Variants in KIAA1549L observed in about 807,000 individuals in gnomAD.
The protein encoded by KIAA1549L is KIAA1549 like, also known as UPF0606 protein KIAA1549L.
Under a neutral mutation model 160.7 loss-of-function variants are expected in KIAA1549L, and 88 were observed. That is an observed-to-expected ratio of 0.55 (90% confidence interval 0.46 to 0.65). The LOEUF is 0.65. KIAA1549L is among the 30% of genes least tolerant of loss of function. The pLI is 0.00. For synonymous variants in KIAA1549L, 950 were observed against 976.7 expected, an observed-to-expected ratio of 0.97 and a Z score of 0.51; for missense variants, 2,258 against 2,437.5, an observed-to-expected ratio of 0.93 and a Z score of 1.55.
At chr11:33,615,451 T>G (rs1049981013) in intron 15 of KIAA1549L, among the ~76,000 whole-genome samples, 1 of 152,174 alleles carries the variant, frequency 6.6e-6, no homozygotes. Flanking sequence ...AAAAAGTATA[T>G]AGCAAAATAT....
intron 1 of KIAA1549L, among the ~76,000 whole-genome samples, chr11:33,498,171 T>G (rs1390620127): frequency 3.3e-5 from 5 of 152,182 alleles, no homozygotes; most frequent in African/African-American, 1.2e-4. Flanking sequence ...GGCATGCACC[T>G]GTGGTCCCAG....
chr11:33,535,246 C>G (rs987939801), intron 1 of KIAA1549L, among the ~76,000 whole-genome samples: 2 of 152,176 alleles, frequency 1.3e-5, no homozygotes, highest in Non-Finnish European at 2.9e-5. Context: ...ACAGTTCTCA[C>G]CAGCTGGGCT....
At chr11:33,380,105 G>A (rs914077004) in intron 1 of KIAA1549L, among the ~76,000 whole-genome samples, 4 of 152,182 alleles carry the variant, frequency 2.6e-5, no homozygotes, top group Non-Finnish European at 5.9e-5. Context: ...AGAGCACAGG[G>A]CGCTGTGGGG....
chr11:33,447,225 C>G (rs953469645), intron 1 of KIAA1549L, among the ~76,000 whole-genome samples: 1 of 152,014 alleles, frequency 6.6e-6, no homozygotes, highest in African/African-American at 2.4e-5. Flanking sequence ...CATAGCACAC[C>G]CTGAACGCTT....
intron 13 of KIAA1549L, among the ~76,000 whole-genome samples, chr11:33,600,418 G>A (rs1564918496): frequency 6.6e-6 from 1 of 152,126 alleles, no homozygotes; most frequent in African/African-American, 2.4e-5. Context: ...AGAGAGTGAG[G>A]TGACAGCAGA....
At chr11:33,647,764 T>C (rs916050735) in intron 17 of KIAA1549L, among the ~76,000 whole-genome samples, 4 of 140,312 alleles carry the variant, frequency 2.9e-5, no homozygotes, top group Non-Finnish European at 6.1e-5. Context: ...CCCATAGCCA[T>C]CGTATCTCAA....
intron 1 of KIAA1549L, among the ~76,000 whole-genome samples, chr11:33,435,775 TA>T (rs1851343548): frequency 1.5e-4 from 1 of 6,470 alleles, no homozygotes; most frequent in African/African-American, 7.5e-4. Context: ...TATATATATA[TA>T]TATATATATA....
intron 1 of KIAA1549L, among the ~76,000 whole-genome samples, chr11:33,435,476 G>C (rs939468438): frequency 6.6e-6 from 1 of 151,876 alleles, no homozygotes; most frequent in Non-Finnish European, 1.5e-5. Context: ...AATCACACAT[G>C]TATTATAGTA....
rs76572849 is a variant in KIAA1549L at position 33,459,241 on chromosome 11, A to C, written c.238+82352A>C. ...GTTTTAACCTTGTTGGATGGTTGTCACACTGTATTTATTTTGATCTGTACT... is the reference window on the plus strand; with the variant it reads ...GTTTTAACCTTGTTGGATGGTTGTCCCACTGTATTTATTTTGATCTGTACT... On this transcript the variant is annotated intron_variant, in intron 1 of 20. Transcript: ENST00000658780. 7.2e-3 allele frequency among the ~76,000 whole-genome samples: 1,098 copies of C among 152,274 alleles called. 12 individuals are homozygous for C. The highest frequency in any genetic ancestry group is 0.025 in the African/African-American group (1,045 of 41,550).
At chr11:33,407,228 G>A (rs867181033) in intron 1 of KIAA1549L, among the ~76,000 whole-genome samples, 1 of 151,198 alleles carries the variant, frequency 6.6e-6, no homozygotes, top group Non-Finnish European at 1.5e-5. Context: ...GGGACTACAG[G>A]CGCCTGCCAC....
chr11:33,545,385 G>T lies in KIAA1549L; in HGVS notation c.3385+7G>T. The T allele has an allele frequency of 6.2e-7, 1 of 1,600,740 alleles. No individual in the cohort carries two copies. The highest frequency in any genetic ancestry group is 1.1e-5 in the South Asian group (1 of 89,986). ...AAGCTCCTGGTGAAGACAGGTATGA[G>T]ACCACTGTTCTGATCTGAAAGCAGC... On this transcript the variant is annotated splice_region_variant and intron_variant, in intron 3 of 20. Coordinates refer to ENST00000658780, the MANE Select transcript of KIAA1549L (RefSeq NM_012194.3).
chr11:33,471,148 T>C (rs1852169886), intron 1 of KIAA1549L, among the ~76,000 whole-genome samples: 1 of 152,138 alleles, frequency 6.6e-6, no homozygotes, highest in Non-Finnish European at 1.5e-5. Flanking sequence ...TGAAATCTTT[T>C]TGAACACCAC....
intron 20 of KIAA1549L, among the ~76,000 whole-genome samples, chr11:33,666,507 C>T (rs1246815995): frequency 6.6e-6 from 1 of 152,212 alleles, no homozygotes; most frequent in Non-Finnish European, 1.5e-5. Context: ...CGCCATAGCA[C>T]CCTGTGCCTC....
intron 1 of KIAA1549L, among the ~76,000 whole-genome samples, chr11:33,441,410 A>C (rs940692205): frequency 6.6e-6 from 1 of 151,968 alleles, no homozygotes; most frequent in African/African-American, 2.4e-5. Flanking sequence ...TAGCAGCATG[A>C]TTTATAATCC....
At chr11:33,618,920 A>G (rs1850892234) in intron 16 of KIAA1549L, among the ~76,000 whole-genome samples, 1 of 152,214 alleles carries the variant, frequency 6.6e-6, no homozygotes, top group South Asian at 2.1e-4. Context: ...TTTAAACTCA[A>G]TGGATATTCT....
intron 1 of KIAA1549L, among the ~76,000 whole-genome samples, chr11:33,437,421 G>A (rs1330610588): frequency 6.6e-6 from 1 of 152,228 alleles, no homozygotes; most frequent in East Asian, 1.9e-4. Flanking sequence ...GATGAAGATC[G>A]AAGAGCCCTG....
intron 17 of KIAA1549L, among the ~76,000 whole-genome samples, chr11:33,650,636 C>T (rs1851856852): frequency 1.3e-5 from 2 of 152,194 alleles, no homozygotes; most frequent in South Asian, 4.1e-4. Context: ...CTTTCTCCTA[C>T]TCAACACGCC....
chr11:33,466,938 G>C (rs917382095), intron 1 of KIAA1549L, among the ~76,000 whole-genome samples: 2 of 149,502 alleles, frequency 1.3e-5, no homozygotes, highest in African/African-American at 5.0e-5. Context: ...TGGACACCGG[G>C]AGGGGGAACA....
chr11:33,399,856 C>T (rs960981479), intron 1 of KIAA1549L, among the ~76,000 whole-genome samples: 4 of 152,206 alleles, frequency 2.6e-5, no homozygotes, highest in African/African-American at 9.7e-5. Context: ...ATGTTTGGGT[C>T]AGATTCTTGT....
Sources: gnomAD v4.1 joint callset for allele counts (sites outside exome capture counted in the v4.1 genomes callset) on GRCh38, gnomAD v4.1.1 for gene constraint, MANE v1.5 for transcripts, NCBI Gene and HGNC (gene_info 2026-07-23, HGNC 2026-07-21) for gene names.